Variants in SGSM1 observed in about 807,000 individuals in gnomAD.
SGSM1 encodes RUN and TBC1 domain containing 2.
A neutral mutation model predicts 133.8 loss-of-function variants in SGSM1; 73 were observed. The ratio of observed to expected loss-of-function variants is 0.55; its 90% CI spans 0.45 to 0.66. The LOEUF (loss-of-function observed/expected upper bound fraction) is 0.66, where lower values mean the gene tolerates loss of function less well. Among genes scored for constraint, SGSM1 ranks in the 30% least tolerant of loss-of-function variants. The pLI is 0.00. For missense variants in SGSM1, 1,213 were observed against 1,448.1 expected, an observed-to-expected ratio of 0.84 and a Z score of 2.64; for synonymous variants, 563 against 573.0, an observed-to-expected ratio of 0.98 and a Z score of 0.25.
At chr22:24,877,158 C>G (rs1932066709) in intron 13 of SGSM1, among the ~76,000 whole-genome samples, 1 of 152,160 alleles carries the variant, frequency 6.6e-6, no homozygotes, top group African/African-American at 2.4e-5. Context: ...CACTCACAGC[C>G]CATTGGCCCC....
rs767745575 is a variant in SGSM1, at chr22:24,895,308, C to T, written c.2022+17C>T. The T allele has an allele frequency of 1.7e-5, 27 of 1,605,082 alleles. No individual in the cohort carries two copies. The highest frequency in any genetic ancestry group is 2.7e-5 in the African/African-American group (2 of 74,724). ...AGCACACAGGTGACCTTGTGGAGGC[C>T]TCGCCCCCTCCCACCCACTCCTCTC... is the stretch of plus-strand genomic sequence containing the variant. On this transcript the variant is annotated intron_variant, in intron 18 of 24. Coordinates refer to ENST00000400358, the MANE Select transcript of SGSM1 (RefSeq NM_001098497.3).
Position 24,920,123 on chromosome 22 carries a change from T to C in SGSM1, c.3193+130T>C, listed in dbSNP as rs548009272. On this transcript the variant is annotated intron_variant, in intron 24 of 24. Transcript: ENST00000400358. ...GGGGATAAAGAGGGCTCTGCACACT[T>C]CTTATGGCTATTTCCAAAAGGACGA... 5 of 959,682 alleles carry C rather than the reference T, an allele frequency of 5.2e-6. No homozygotes were observed. In the African/African-American group the frequency reaches 8.3e-5, roughly 16 times the overall value. The allele number at this position is 959,682 out of a possible 1,614,324, so 59.4% of individuals were successfully genotyped here. A position where few individuals can be genotyped will look rare whatever the true frequency, so the allele number is the denominator to read the frequency against.
rs267606193 is a variant in SGSM1, at chr22:24,850,342, C to T, written c.365C>T (p.Ser122Phe). The change falls in exon 5 of 25, where the codon TCC becomes TTC. Residue 122 changes from serine to phenylalanine, a missense_variant. By Grantham distance (155) the Ser-to-Phe change is radical. Transcript: ENST00000400358. ...VRKLPKLPNL[S>F]PLAIKHLWIR... ...AAGCTGCCGAAGCTGCCCAACTTGT[C>T]CCCACTTGCCATCAAGCATCTGTGG... The T allele has an allele frequency of 1.2e-6, 2 of 1,613,894 alleles. No homozygotes were observed. The highest frequency in any genetic ancestry group is 1.7e-6 in the Non-Finnish European group (2 of 1,179,864).
At chr22:24,824,897 C>G (rs1215036798) in intron 2 of SGSM1, among the ~76,000 whole-genome samples, 1 of 152,230 alleles carries the variant, frequency 6.6e-6, no homozygotes, top group Non-Finnish European at 1.5e-5. Flanking sequence ...TTCCATCTCC[C>G]TGGACTGTAA....
chr22:24,869,249 G>A (rs2207186), intron 12 of SGSM1, among the ~76,000 whole-genome samples: 2,912 of 152,272 alleles, frequency 0.019, 58 homozygotes, highest in East Asian at 0.093. Flanking sequence ...GCTCATACCC[G>A]TAATCCTGGC....
In SGSM1 at chr22:24,876,709, A is replaced by T; in HGVS notation, c.1424A>T (p.His475Leu). 1 of 1,613,926 alleles carries T rather than the reference A, an allele frequency of 6.2e-7. No homozygotes were observed. The highest frequency in any genetic ancestry group is 8.5e-7 in the Non-Finnish European group (1 of 1,179,864). Residue 475 changes from histidine (H) to leucine (L), a missense_variant, in exon 13 of 25, where the codon CAT becomes CTT. Transcript: ENST00000400358. The part of the protein sequence containing the change: ...ADGSSTNGCN[H>L]ERAPLKLLCD... ...GGTAGCTCGACCAATGGCTGCAACCATGAGAGGTATGAGGGGCTTGAGCTG... is the reference window on the plus strand; with the variant it reads ...GGTAGCTCGACCAATGGCTGCAACCTTGAGAGGTATGAGGGGCTTGAGCTG...
intron 9 of SGSM1, among the ~76,000 whole-genome samples, chr22:24,862,166 T>C (rs1209945817): frequency 6.6e-6 from 1 of 152,102 alleles, no homozygotes; most frequent in East Asian, 1.9e-4. Context: ...GTCAGGCTGG[T>C]CTCGAACTCC....
At chr22:24,867,374 T>A (rs1029337142) in intron 10 of SGSM1, among the ~76,000 whole-genome samples, 2 of 152,230 alleles carry the variant, frequency 1.3e-5, no homozygotes, top group Non-Finnish European at 2.9e-5. Context: ...GGGGTAGTTG[T>A]GAAGATGAAG....
intron 24 of SGSM1, 108 bp from the exon 25 acceptor site, chr22:24,924,078 G>A: frequency 1.1e-6 from 1 of 952,254 alleles, no homozygotes; most frequent in Non-Finnish European, 1.7e-6. Context: ...TGCTTCCTGA[G>A]TCAATCTGTG....
intron 22 of SGSM1, among the ~76,000 whole-genome samples, chr22:24,914,014 G>T (rs1426800623): frequency 1.3e-5 from 2 of 151,382 alleles, no homozygotes; most frequent in Non-Finnish European, 2.9e-5. Context: ...AAATTGGCCG[G>T]GTGCAGTGAC....
At chr22:24,829,638 C>T (rs757060057) in intron 2 of SGSM1, among the ~76,000 whole-genome samples, 3 of 152,108 alleles carry the variant, frequency 2.0e-5, no homozygotes, top group Admixed American at 2.0e-4. Flanking sequence ...GAACAAGGGC[C>T]CTGGATCTGA....
intron 24 of SGSM1, among the ~76,000 whole-genome samples, chr22:24,923,880 C>T (rs569173191): frequency 6.6e-6 from 1 of 152,346 alleles, no homozygotes; most frequent in Admixed American, 6.5e-5. Context: ...CCTCGGCCTC[C>T]CAAGGTGCTG....
At chr22:24,830,050 C>T (rs569044898) in intron 2 of SGSM1, among the ~76,000 whole-genome samples, 9 of 100,540 alleles carry the variant, frequency 9.0e-5, no homozygotes, top group South Asian at 3.1e-4. Context: ...GGGATGGGTT[C>T]GGAGGAGTGT....
intron 12 of SGSM1, among the ~76,000 whole-genome samples, chr22:24,875,663 GAAAAAA>G (rs1931993823): frequency 6.6e-6 from 1 of 151,268 alleles, no homozygotes; most frequent in African/African-American, 2.4e-5. Flanking sequence ...AAGAAAGAAA[GAAAAAA>G]GAAAAAGAAA....
rs1934114181 is a variant in SGSM1 at position 24,924,257 on chromosome 22, CTGAT to C, written c.3269_3272del (p.Ile1090ArgfsTer53). 3.7e-6 allele frequency: 6 copies of C among 1,613,862 alleles called. No individual in the cohort carries two copies. The highest frequency in any genetic ancestry group is 4.2e-6 in the Non-Finnish European group (5 of 1,179,892). On this transcript the variant is annotated frameshift_variant, in exon 25 of 25. Transcript: ENST00000400358. LOFTEE classifies it high-confidence loss of function. ...GGACCTCGTGTACAAGGTGCAGACT[CTGAT>C]TGAGAACAAGTGAGGGGCACCTCAC...
chr22:24,835,733 C>T (rs1235411980), intron 2 of SGSM1, among the ~76,000 whole-genome samples: 2 of 151,742 alleles, frequency 1.3e-5, no homozygotes, highest in Non-Finnish European at 2.9e-5. Context: ...GCAAGGAGGC[C>T]TGTGTGTGTA....
chr22:24,892,487 C>G (rs1033396145), intron 16 of SGSM1, among the ~76,000 whole-genome samples: 2 of 152,132 alleles, frequency 1.3e-5, no homozygotes, highest in African/African-American at 4.8e-5. Context: ...TTCTGTAAGG[C>G]CATTGCTGTA....
At chr22:24,916,571 G>A (rs1031677486) in intron 22 of SGSM1, among the ~76,000 whole-genome samples, 3 of 151,974 alleles carry the variant, frequency 2.0e-5, no homozygotes, top group African/African-American at 4.8e-5. Flanking sequence ...GGTGGCGGGC[G>A]CCTGTAATCC....
At chr22:24,883,388 G>C (rs1831597610) in intron 14 of SGSM1, among the ~76,000 whole-genome samples, 1 of 152,160 alleles carries the variant, frequency 6.6e-6, no homozygotes, top group South Asian at 2.1e-4. Flanking sequence ...CTTTCTTGCT[G>C]TATGGATTAG....
Sources: gnomAD v4.1 joint callset for allele counts (sites outside exome capture counted in the v4.1 genomes callset) on GRCh38, gnomAD v4.1.1 for gene constraint, MANE v1.5 for transcripts, NCBI Gene and HGNC (gene_info 2026-07-23, HGNC 2026-07-21) for gene names.